KANK1: variants seen among roughly 807,000 people sequenced by gnomAD.
KANK1 encodes the protein KN motif and ankyrin repeat domains 1, also known as KN motif and ankyrin repeat domain-containing protein 1.
A neutral mutation model predicts 106.2 loss-of-function variants in KANK1; 109 were observed. The observed-to-expected ratio is 1.03, with a 90% CI of 0.88 to 1.20. The LOEUF (loss-of-function observed/expected upper bound fraction) is 1.20, where lower values mean the gene tolerates loss of function less well. KANK1 is among the 50% of genes most tolerant of loss of function. The pLI is 0.00. For synonymous variants in KANK1, 873 were observed against 652.2 expected, an observed-to-expected ratio of 1.34 and a Z score of -5.16; for missense variants, 2,399 against 1,710.7, an observed-to-expected ratio of 1.40 and a Z score of -7.10.
intron 1 of KANK1, among the ~76,000 whole-genome samples, chr9:608,799 A>T (rs1360495237): frequency 6.6e-6 from 1 of 152,184 alleles, no homozygotes; most frequent in African/African-American, 2.4e-5. Flanking sequence ...CCTCCACCCC[A>T]GTTGATGGTC....
At chr9:612,910 A>T (rs1308486651) in intron 1 of KANK1, among the ~76,000 whole-genome samples, 1 of 152,216 alleles carries the variant, frequency 6.6e-6, no homozygotes, top group East Asian at 1.9e-4. Context: ...TATTTGCCAT[A>T]CATATGCCTA....
intron 2 of KANK1, among the ~76,000 whole-genome samples, chr9:703,639 C>T (rs780030177): frequency 1.3e-5 from 2 of 152,054 alleles, no homozygotes; most frequent in South Asian, 4.1e-4. Context: ...TGTGCAAAAG[C>T]AGGCATAGTT....
At chr9:531,565 A>G (rs7037134) in intron 1 of KANK1, among the ~76,000 whole-genome samples, 32,045 of 152,148 alleles carry the variant, frequency 0.21, 3,790 homozygotes, top group East Asian at 0.38. Flanking sequence ...TGAGAGTTGG[A>G]TAAAGAGATT....
intron 3 of KANK1, among the ~76,000 whole-genome samples, chr9:723,277 C>A (rs1285013608): frequency 6.6e-6 from 1 of 152,090 alleles, no homozygotes; most frequent in Non-Finnish European, 1.5e-5. Flanking sequence ...TTTAAAAAGC[C>A]CTAGTTTACA....
intron 2 of KANK1, chr9:707,126 C>T: frequency 2.0e-6 from 2 of 985,458 alleles, no homozygotes; most frequent in Non-Finnish European, 2.4e-6. Context: ...CAAGTTTACA[C>T]GAATGTTGAA....
chr9:633,844 G>T (rs1836412473), intron 1 of KANK1, among the ~76,000 whole-genome samples: 1 of 152,126 alleles, frequency 6.6e-6, no homozygotes, highest in African/African-American at 2.4e-5. Flanking sequence ...TAGGGACAGG[G>T]TCTCCTTATG....
At chr9:564,559 G>A (rs1817346249) in intron 1 of KANK1, among the ~76,000 whole-genome samples, 1 of 152,190 alleles carries the variant, frequency 6.6e-6, no homozygotes, top group African/African-American at 2.4e-5. Flanking sequence ...GCAATGTTGA[G>A]AGATGAAAAG....
At chr9:658,610 T>C (rs1435860254) in intron 1 of KANK1, among the ~76,000 whole-genome samples, 3 of 152,152 alleles carry the variant, frequency 2.0e-5, no homozygotes, top group Non-Finnish European at 2.9e-5. Context: ...TTTATAGTTT[T>C]TTTTTTAATT....
At chr9:560,041 CT>C (rs1815981134) in intron 1 of KANK1, among the ~76,000 whole-genome samples, 1 of 152,128 alleles carries the variant, frequency 6.6e-6, no homozygotes, top group African/African-American at 2.4e-5. Flanking sequence ...AGTTCAGTGC[CT>C]TTTAAACAGC....
At chr9:513,368 A>G (rs748814694) in intron 1 of KANK1, among the ~76,000 whole-genome samples, 2 of 152,328 alleles carry the variant, frequency 1.3e-5, no homozygotes, top group Non-Finnish European at 2.9e-5. Flanking sequence ...CAAAGCAATC[A>G]GTTAATTGGA....
intron 1 of KANK1, among the ~76,000 whole-genome samples, chr9:629,445 G>A (rs1835149988): frequency 6.6e-6 from 1 of 152,152 alleles, no homozygotes; most frequent in Non-Finnish European, 1.5e-5. Context: ...TACGTGTAAT[G>A]GAGAAACAAG....
chr9:483,778 G>C (rs2058246530), intron 3 of KANK1, among the ~76,000 whole-genome samples: 2 of 152,120 alleles, frequency 1.3e-5, no homozygotes, highest in Admixed American at 1.3e-4. Flanking sequence ...GAGAGGGCTG[G>C]ACAGGCACTC....
At chr9:722,510 C>T (rs143566773) in intron 3 of KANK1, among the ~76,000 whole-genome samples, 1,838 of 152,270 alleles carry the variant, frequency 0.012, 35 homozygotes, top group African/African-American at 0.041. Context: ...CCTGGCTGCA[C>T]GTTTTCTTCG....
At chr9:566,466 C>G (rs995471369) in intron 1 of KANK1, among the ~76,000 whole-genome samples, 16 of 152,222 alleles carry the variant, frequency 1.1e-4, no homozygotes, top group African/African-American at 3.4e-4. Flanking sequence ...CTAATTTATA[C>G]TTCCACCAAT....
intron 1 of KANK1, among the ~76,000 whole-genome samples, chr9:663,759 A>C (rs555227730): frequency 3.5e-4 from 53 of 152,316 alleles, no homozygotes; most frequent in African/African-American, 1.2e-3. Context: ...CGGGATTCTG[A>C]AAGCATTTGC....
chr9:483,018 C>A (rs4742040), intron 3 of KANK1, among the ~76,000 whole-genome samples: 16,428 of 152,096 alleles, frequency 0.11, 1,352 homozygotes, highest in East Asian at 0.46. Flanking sequence ...GGTCAACTGT[C>A]GCAGCATCAC....
chr9:712,287 C>G lies in KANK1; in HGVS notation c.1521C>G (p.Ala507=), dbSNP rs1309966868. 1 of 1,614,156 alleles carries G rather than the reference C, an allele frequency of 6.2e-7. No individual in the cohort carries two copies. The highest frequency in any genetic ancestry group is 1.7e-5 in the Admixed American group (1 of 60,020). ...SRKKVDKATM[A]QPLVFSKVVE... The stretch of plus-strand genomic sequence containing the variant: ...AAAAGGTTGACAAAGCCACGATGGC[C>G]CAGCCGCTTGTTTTCAGTAAGGTGG... The change falls in exon 3 of 12, where the codon GCC becomes GCG. Residue 507 remains alanine (A), a synonymous_variant. Transcript: ENST00000382297.
chr9:732,252 AAGTGC>A, intron 5 of KANK1, 121 bp from the exon 6 acceptor site: 1 of 1,147,416 alleles, frequency 8.7e-7, no homozygotes, highest in Non-Finnish European at 1.2e-6. Context: ...TTGAACTTCT[AAGTGC>A]AGGATCTAAA....
intron 2 of KANK1, among the ~76,000 whole-genome samples, chr9:701,657 C>G (rs1237732005): frequency 6.6e-6 from 1 of 152,092 alleles, no homozygotes; most frequent in Non-Finnish European, 1.5e-5. Context: ...CCAAATGTCC[C>G]TTCGCGGGGG....
Sources: allele counts gnomAD v4.1 joint callset (sites outside exome capture counted in the v4.1 genomes callset), GRCh38; gene constraint gnomAD v4.1.1; transcripts MANE v1.5; gene names NCBI Gene and HGNC (gene_info 2026-07-23, HGNC 2026-07-21).